The following AATK variants were observed in gnomAD, a reference collection of about 807,000 sequenced individuals.
AATK encodes the protein serine/threonine-protein kinase LMTK1.
Under a neutral mutation model 114.3 loss-of-function variants are expected in AATK, and 91 were observed. The ratio of observed to expected loss-of-function variants is 0.80; its 90% confidence interval spans 0.67 to 0.95. The LOEUF (loss-of-function observed/expected upper bound fraction) is 0.95, where lower values mean the gene tolerates loss of function less well. AATK is among the 40% of genes least tolerant of loss of function. AATK has a pLI of 0.00. For synonymous variants in AATK, 1,075 were observed against 916.5 expected (o/e 1.17, Z -3.12); for missense variants, 2,176 against 1,965.2 (o/e 1.11, Z -2.03).
intron 1 of AATK, among the ~76,000 whole-genome samples, chr17:81,154,990 A>G (rs940541028): frequency 4.6e-5 from 7 of 152,160 alleles, no homozygotes; most frequent in African/African-American, 1.7e-4. Context: ...TCTGTGCTTC[A>G]TCTCCAAATC....
Position 81,160,969 on chromosome 17 carries a change from G to A in AATK, c.55+4969C>T, listed in dbSNP as rs1481231198. ...TGCCACGCAGCTGTGGCCCCGGCCT[G>A]CTTCCTCCTCACACCCAGCCAAGCG... On this transcript the variant is annotated intron_variant, in intron 1 of 13. Coordinates refer to ENST00000326724, the MANE Select transcript of AATK (RefSeq NM_001080395.3). 3.3e-5 allele frequency among the ~76,000 whole-genome samples: 5 copies of A among 152,216 alleles called. No homozygotes were observed. In the South Asian group the frequency reaches 8.3e-4, roughly 25 times the overall value.
chr17:81,165,713 C>T (rs2061480199), intron 1 of AATK: 1 of 1,520,952 alleles, frequency 6.6e-7, no homozygotes, highest in African/African-American at 1.4e-5. Flanking sequence ...GGAGTCACGA[C>T]CACGCGGGGG....
chr17:81,145,137 G>T (rs1301150952), intron 1 of AATK, among the ~76,000 whole-genome samples: 1 of 151,620 alleles, frequency 6.6e-6, no homozygotes, highest in African/African-American at 2.4e-5. Flanking sequence ...GGAGGCTGAG[G>T]CGGGAAAATC....
rs774039931 is a variant in AATK, at chr17:81,121,001, G to A, written c.2935C>T (p.Leu979Phe). The A allele has an allele frequency of 3.1e-6, 5 of 1,610,598 alleles. No homozygotes were observed. Among genetic ancestry groups the A allele is most frequent in the Admixed American group, 1.7e-5 (1 of 59,802 alleles). ...EGEGPGPETR[L>F]STSLSGLNEK... ...TTGAGGCCACTGAGGGAGGTGGAGA[G>A]CCGTGTCTCGGGCCCGGGGCCCTCA... Residue 979 changes from leucine (L) to phenylalanine (F), a missense_variant, in exon 11 of 14, where the codon CTC becomes TTC. Around this residue, in one of 4 missense-constraint regions of AATK, gnomAD observed 1,701 missense variants for 1,394.7 expected, o/e 1.22. Transcript: ENST00000326724.
At chr17:81,145,733 C>CAAAAAAAAAAAAAAAAAAAAAAAAAAA (rs11332251) in intron 1 of AATK, among the ~76,000 whole-genome samples, 2 of 71,150 alleles carry the variant, frequency 2.8e-5, no homozygotes, top group Non-Finnish European at 5.3e-5. Flanking sequence ...AACTCCATCT[C>CAAAAAAAAAAAAAAAAAAAAAAAAAAA]AAAAAAAAAA....
In AATK at chr17:81,120,949, G is replaced by A; in HGVS notation, c.2987C>T (p.Ala996Val). ...LNEKNPYRDS[A>V]YFSDLEAEAE... is the part of the protein sequence containing the mutation. The stretch of plus-strand genomic sequence containing the variant: ...CTCAGCCTCGAGGTCTGAGAAGTAG[G>A]CAGAGTCTCGGTAGGGATTCTTCTC... The change falls in exon 11 of 14, where the codon GCC becomes GTC. Residue 996 changes from alanine to valine, a missense_variant. Transcript: ENST00000326724. The A allele has an allele frequency of 1.9e-6, 3 of 1,609,104 alleles. No individual in the cohort carries two copies. Among genetic ancestry groups the A allele is most frequent in the Non-Finnish European group, 1.7e-6 (2 of 1,178,366 alleles).
At chr17:81,165,765 G>C (rs1260810708) in intron 1 of AATK, 173 bp downstream of exon 1, 1 of 1,514,392 alleles carries the variant, frequency 6.6e-7, no homozygotes, top group African/African-American at 1.4e-5. Context: ...CTGGGGCCCA[G>C]GGCCTGCCCC....
In AATK at chr17:81,123,298, C is replaced by T; in HGVS notation, c.1008G>A (p.Gln336=). Reference sequence around the variant, plus strand: ...GCTGGTCCGAGTGCTGGGGATAGGGCTGCGTGCCCAGCTCAAAGAGCTCCC... The same window carrying T: ...GCTGGTCCGAGTGCTGGGGATAGGGTTGCGTGCCCAGCTCAAAGAGCTCCC... ...TIWELFELGT[Q]PYPQHSDQQV... The change falls in exon 10 of 14, where the codon CAG becomes CAA. Residue 336 remains glutamine, a synonymous_variant. Coordinates refer to ENST00000326724, the MANE Select transcript of AATK (RefSeq NM_001080395.3). 1 of 1,401,126 alleles carries T rather than the reference C, an allele frequency of 7.1e-7. No homozygotes were observed. Among genetic ancestry groups the T allele is most frequent in the South Asian group, 1.6e-5 (1 of 62,998 alleles). The allele number at this position is 1,401,126 out of a possible 1,614,324, so 86.8% of individuals were successfully genotyped here.
chr17:81,131,014 C>T, intron 3 of AATK, 47 bp downstream of exon 3: 1 of 1,534,086 alleles, frequency 6.5e-7, no homozygotes, highest in Non-Finnish European at 8.7e-7. Context: ...ACGCCCAGCA[C>T]CTGGGCCCCG....
intron 2 of AATK, chr17:81,133,332 C>A (rs754957562): frequency 2.5e-6 from 1 of 402,716 alleles, no homozygotes. Flanking sequence ...GCTCCTTGGC[C>A]CATTCTGCGT....
Position 81,119,941 on chromosome 17 carries a change from T to A in AATK, c.3878A>T (p.Glu1293Val). The A allele has an allele frequency of 6.9e-7, 1 of 1,442,656 alleles. No homozygotes were observed. 89.4% of individuals were successfully genotyped at this position (1,442,656 alleles called of 1,614,324 possible). A position where few individuals can be genotyped will look rare whatever the true frequency, so the allele number is the denominator to read the frequency against. ...ADGSPNGSTA[E>V]EGGGFAWDDD... is the part of the protein sequence containing the mutation. ...CCAGCCCCGCCCCTGCTCACCCTCTTCCGCTGTGGAGCCATTTGGGGAGCC... is the reference window on the plus strand; with the variant it reads ...CCAGCCCCGCCCCTGCTCACCCTCTACCGCTGTGGAGCCATTTGGGGAGCC... Residue 1293 changes from glutamate to valine, a missense_variant, in exon 12 of 14, where the codon GAA becomes GTA. By Grantham distance (121) the Glu-to-Val change is moderately radical (BLOSUM62 -2). Coordinates refer to ENST00000326724, the MANE Select transcript of AATK (RefSeq NM_001080395.3).
chr17:81,130,394 C>T (rs2060911096), intron 3 of AATK, among the ~76,000 whole-genome samples: 1 of 152,168 alleles, frequency 6.6e-6, no homozygotes, highest in African/African-American at 2.4e-5. Flanking sequence ...CCAAACTCCC[C>T]AGCACGTCCG....
rs375723519 is a variant in AATK at position 81,123,515 on chromosome 17, A to G, written c.963-172T>C. ...CCTGAGGACAGCGCGTCCTTTCAGC[A>G]GGCAATGTGCACCCTGCCAGGCCCA... On this transcript the variant is annotated intron_variant, in intron 9 of 13. Transcript: ENST00000326724. Among the ~76,000 whole-genome samples, 39 of 152,302 alleles carry G rather than the reference A, an allele frequency of 2.6e-4. 1 individual carries two copies. The East Asian group carries it at 5.4e-3, about 21-fold the overall frequency.
intron 7 of AATK, 26 bp from the exon 8 acceptor site, chr17:81,125,040 C>G (rs1228891759): frequency 1.8e-5 from 1 of 56,432 alleles, no homozygotes; most frequent in African/African-American, 2.9e-4. Context: ...GGGGCAGGGG[C>G]AGGGTGAGCA....
Position 81,151,996 on chromosome 17 carries a change from C to T in AATK, c.55+13942G>A, listed in dbSNP as rs146674635. Among the ~76,000 whole-genome samples, 310 of 152,324 alleles carry T rather than the reference C, an allele frequency of 2.0e-3. 3 individuals carry two copies. The highest frequency in any genetic ancestry group is 1.2e-3 in the East Asian group (6 of 5,190). ...GCCTTCAAAAAAACAGCCTTTGGGG[C>T]GGGCACAGTGGCTCCCGCCTGTCAT... On this transcript the variant is annotated intron_variant, in intron 1 of 13. Coordinates refer to ENST00000326724, the MANE Select transcript of AATK (RefSeq NM_001080395.3).
At chr17:81,132,353 C>T (rs1051682828) in intron 2 of AATK, among the ~76,000 whole-genome samples, 1 of 152,180 alleles carries the variant, frequency 6.6e-6, no homozygotes, top group African/African-American at 2.4e-5. Context: ...TCAAGTACGA[C>T]GTGTGACCCT....
Position 81,121,156 on chromosome 17 carries a change from GGGCCAGT to G in AATK, c.2773_2779del (p.Thr925ProfsTer177). 6.2e-7 allele frequency: 1 copy of G among 1,603,630 alleles called. No individual in the cohort carries two copies. Among genetic ancestry groups the G allele is most frequent in the African/African-American group, 1.3e-5 (1 of 74,874 alleles). ...CAGCGCTCGCGGCTGCCCTCCAGAG[GGGCCAGT>G]GGCCGACGGGCTGAAGACCTCATAG... On this transcript the variant is annotated frameshift_variant, in exon 11 of 14. Transcript: ENST00000326724. LOFTEE classifies it high-confidence loss of function.
At chr17:81,134,338 A>G in intron 2 of AATK, 30 bp downstream of exon 2, 2 of 1,611,546 alleles carry the variant, frequency 1.2e-6, no homozygotes, top group Non-Finnish European at 1.7e-6. Flanking sequence ...GCGGGATCCC[A>G]CGACAGCTCC....
intron 1 of AATK, among the ~76,000 whole-genome samples, chr17:81,138,463 ACC>A (rs763571099): frequency 2.1e-4 from 27 of 130,228 alleles, no homozygotes; most frequent in African/African-American, 4.7e-4. Context: ...GTGCACACAC[ACC>A]CACCCACATG....
Sources: allele counts gnomAD v4.1 joint callset (sites outside exome capture counted in the v4.1 genomes callset), GRCh38; gene constraint gnomAD v4.1.1; regional missense constraint gnomAD v4.1.1; transcripts MANE v1.5; gene names NCBI Gene and HGNC (gene_info 2026-07-23, HGNC 2026-07-21).